The following TMEM33 variants were observed in gnomAD, a reference collection of about 807,000 sequenced individuals.
TMEM33 encodes the protein transmembrane protein 33.
A neutral mutation model predicts 29.7 loss-of-function variants in TMEM33; 16 were observed. That is an observed-to-expected ratio of 0.54 (90% CI 0.36 to 0.82). TMEM33 has a LOEUF of 0.82. TMEM33 is among the 40% of genes least tolerant of loss of function. The probability of loss-of-function intolerance (pLI) is 0.00; values close to 1 mark genes in which losing one functional copy is unlikely to be tolerated. For missense variants in TMEM33, 252 were observed against 295.3 expected, an observed-to-expected ratio of 0.85 and a Z score of 1.08; for synonymous variants, 112 against 109.4, an observed-to-expected ratio of 1.02 and a Z score of -0.15.
At position 41,949,367 on chromosome 4, in the gene TMEM33, G is replaced by A. The variant is rs141171052; in HGVS notation, c.596G>A (p.Arg199Gln). The change falls in exon 6 of 7, where the codon CGA becomes CAA. Residue 199 changes from arginine to glutamine, a missense_variant. Coordinates refer to ENST00000504986, the MANE Select transcript of TMEM33 (RefSeq NM_018126.3). ...TTTCTTACCCTTCGATATTCGTCTC[G>A]AAGAAACCCATATTGTCGGTAAGCT... is the stretch of plus-strand genomic sequence containing the variant. ...YRFLTLRYSS[R>Q]RNPYCRTLFN... 5.2e-5 allele frequency: 83 copies of A among 1,608,880 alleles called. No homozygotes were observed. Among genetic ancestry groups the A allele is most frequent in the Non-Finnish European group, 5.8e-5 (68 of 1,178,080 alleles).
rs1043424263 is a variant in TMEM33 at position 41,960,149 on chromosome 4, A to G, written c.*5950A>G. On this transcript the variant is annotated 3_prime_UTR_variant, in exon 7 of 7. Coordinates refer to ENST00000504986, the MANE Select transcript of TMEM33 (RefSeq NM_018126.3). ...CCTTTCAAGAAAATCTAATAAACAT[A>G]ATAATCATAGCCTGCTGACACTAAG... The G allele has an allele frequency of 1.3e-5, 2 of 152,168 alleles. No individual in the cohort carries two copies. The highest frequency in any genetic ancestry group is 2.4e-5 in the African/African-American group (1 of 41,442). 9.4% of individuals were successfully genotyped at this position (152,168 alleles called of 1,614,324 possible). A position where few individuals can be genotyped will look rare whatever the true frequency, so the allele number is the denominator to read the frequency against.
intron 6 of TMEM33, among the ~76,000 whole-genome samples, chr4:41,950,805 G>C (rs949105423): frequency 6.6e-6 from 1 of 151,790 alleles, no homozygotes; most frequent in African/African-American, 2.4e-5. Context: ...GTTTTTCTGT[G>C]CTTCTTTGTG....
At chr4:41,943,063 T>G (rs995386326) in intron 3 of TMEM33, among the ~76,000 whole-genome samples, 11 of 152,230 alleles carry the variant, frequency 7.2e-5, no homozygotes, top group African/African-American at 2.7e-4. Flanking sequence ...ACTACTGTGT[T>G]TGAAGGCTAA....
At chr4:41,947,507 T>G (rs1306691811) in intron 5 of TMEM33, among the ~76,000 whole-genome samples, 1 of 152,210 alleles carries the variant, frequency 6.6e-6, no homozygotes, top group Non-Finnish European at 1.5e-5. Flanking sequence ...AATGTTTAAT[T>G]TAAACATTTA....
Position 41,937,824 on chromosome 4 carries a change from G to A in TMEM33, c.46-778G>A, listed in dbSNP as rs1712316630. ...TGGTAATAGACATAAGTATTGGGGG[G>A]AAAGCAGCAAAGGAAAGATAGAATG... is the stretch of plus-strand genomic sequence containing the variant. On this transcript the variant is annotated intron_variant, in intron 1 of 6. Coordinates refer to ENST00000504986, the MANE Select transcript of TMEM33 (RefSeq NM_018126.3). Among the ~76,000 whole-genome samples the A allele has an allele frequency of 1.3e-5, 2 of 152,060 alleles. 1 individual carries two copies. Among genetic ancestry groups the A allele is most frequent in the South Asian group, 4.2e-4 (2 of 4,816 alleles).
In TMEM33 at chr4:41,949,366, C is replaced by A; in HGVS notation, c.595C>A (p.Arg199=). Residue 199 remains arginine, a synonymous_variant, in exon 6 of 7, where the codon CGA becomes AGA. Coordinates refer to ENST00000504986, the MANE Select transcript of TMEM33 (RefSeq NM_018126.3). ...ATTTCTTACCCTTCGATATTCGTCT[C>A]GAAGAAACCCATATTGTCGGTAAGC... ...YRFLTLRYSS[R]RNPYCRTLFN... 1 of 1,609,694 alleles carries A rather than the reference C, an allele frequency of 6.2e-7. No homozygotes were observed. Among genetic ancestry groups the A allele is most frequent in the Non-Finnish European group, 8.5e-7 (1 of 1,178,414 alleles).
Position 41,944,862 on chromosome 4 carries a change from A to G in TMEM33, c.466A>G (p.Ile156Val), listed in dbSNP as rs531398650. 10 of 1,613,586 alleles carry G rather than the reference A, an allele frequency of 6.2e-6. No individual in the cohort carries two copies. The South Asian group carries it at 8.8e-5, about 14-fold the overall frequency. ...CAAATTAAGTGCTAATCAACAAAAT[A>G]TTCTGAAATTCATTGCTTGCAATGA... is the stretch of plus-strand genomic sequence containing the variant. ...LDKLSANQQNILKFIACNEIF... is the reference protein window; with the variant it reads ...LDKLSANQQNVLKFIACNEIF... The change falls in exon 5 of 7, where the codon ATT (isoleucine) becomes GTT (valine). Residue 156 changes from isoleucine to valine, a missense_variant. Physicochemically the swap from Ile to Val is conservative, Grantham distance 29. Transcript: ENST00000504986.
chr4:41,940,024 A>G (rs898864931), intron 3 of TMEM33, among the ~76,000 whole-genome samples: 2 of 144,846 alleles, frequency 1.4e-5, no homozygotes, highest in Admixed American at 1.4e-4. Context: ...GAGGTTCTAT[A>G]GTGAACACTA....
In TMEM33 at chr4:41,949,367, G is replaced by T. The variant is rs141171052; in HGVS notation, c.596G>T (p.Arg199Leu). 1 of 1,608,880 alleles carries T rather than the reference G, an allele frequency of 6.2e-7. No homozygotes were observed. The highest frequency in any genetic ancestry group is 8.5e-7 in the Non-Finnish European group (1 of 1,178,080). ...TTTCTTACCCTTCGATATTCGTCTC[G>T]AAGAAACCCATATTGTCGGTAAGCT... is the stretch of plus-strand genomic sequence containing the variant. ...YRFLTLRYSSRRNPYCRTLFN... is the reference protein window; with the variant it reads ...YRFLTLRYSSLRNPYCRTLFN... Residue 199 changes from arginine to leucine, a missense_variant, in exon 6 of 7, where the codon CGA (arginine) becomes CTA (leucine). By Grantham distance (102) the Arg-to-Leu change is moderately radical. Transcript: ENST00000504986.
At chr4:41,935,396 A>AC, upstream of TMEM33, 1 of 1,389,974 alleles carries the variant, frequency 7.2e-7, no homozygotes, top group Non-Finnish European at 1.0e-6. Context: ...GGAAGCCGGT[A>AC]CCCGGGTCCT....
chr4:41,946,851 T>C (rs1480773541), intron 5 of TMEM33, among the ~76,000 whole-genome samples: 3 of 152,214 alleles, frequency 2.0e-5, no homozygotes, highest in African/African-American at 7.2e-5. Context: ...TTGTTATTCA[T>C]TTTTCTCGGG....
intron 3 of TMEM33, chr4:41,939,678 T>G (rs1712425191): frequency 2.0e-6 from 1 of 492,264 alleles, no homozygotes; most frequent in African/African-American, 1.9e-5. Context: ...GAACTTACTT[T>G]AATATTTACA....
intron 3 of TMEM33, chr4:41,939,689 T>G: frequency 2.1e-6 from 1 of 475,754 alleles, no homozygotes; most frequent in Non-Finnish European, 4.2e-6. Flanking sequence ...AATATTTACA[T>G]TTTTTTCATT....
intron 4 of TMEM33, chr4:41,944,339 T>C (rs1180108220): frequency 5.8e-6 from 1 of 171,592 alleles, no homozygotes; most frequent in African/African-American, 2.4e-5. Context: ...TTACAGAAAT[T>C]TGAATTAAAA....
chr4:41,939,682 A>T (rs1712425526), intron 3 of TMEM33: 2 of 486,808 alleles, frequency 4.1e-6, no homozygotes, highest in Non-Finnish European at 8.1e-6. Context: ...TTACTTTAAT[A>T]TTTACATTTT....
At chr4:41,936,983 T>C (rs1037057938) in intron 1 of TMEM33, among the ~76,000 whole-genome samples, 1 of 152,130 alleles carries the variant, frequency 6.6e-6, no homozygotes, top group Non-Finnish European at 1.5e-5. Flanking sequence ...AATTAAAAAG[T>C]GTTCTTTGGC....
rs374817264 is a variant in TMEM33, at chr4:41,949,449, G to A, written c.614+64G>A. On this transcript the variant is annotated intron_variant, in intron 6 of 6. Transcript: ENST00000504986. ...AGAGTATTGTGAATATATAGTATTCGCAATTCTTAAGAGTTACTTAGCTAA... is the reference window on the plus strand; with the variant it reads ...AGAGTATTGTGAATATATAGTATTCACAATTCTTAAGAGTTACTTAGCTAA... 567 of 1,294,524 alleles carry A rather than the reference G, an allele frequency of 4.4e-4. 3 individuals are homozygous for A. The African/African-American group carries it at 6.9e-3, about 16-fold the overall frequency. 80.2% of individuals were successfully genotyped at this position (1,294,524 alleles called of 1,614,324 possible). A position where few individuals can be genotyped will look rare whatever the true frequency, so the allele number is the denominator to read the frequency against.
rs1713215297 is a variant in TMEM33 at position 41,955,272 on chromosome 4, G to A, written c.*1073G>A. ...TGGGGTAGGGGGAGGAGTTGTGGGGGAATAATGTGCATTTCAGTCTCAACG... is the reference window on the plus strand; with the variant it reads ...TGGGGTAGGGGGAGGAGTTGTGGGGAAATAATGTGCATTTCAGTCTCAACG... On this transcript the variant is annotated 3_prime_UTR_variant, in exon 7 of 7. Transcript: ENST00000504986. The A allele has an allele frequency of 6.6e-6, 1 of 152,218 alleles. No individual in the cohort carries two copies. Among genetic ancestry groups the A allele is most frequent in the Non-Finnish European group, 1.5e-5 (1 of 67,962 alleles). The allele number at this position is 152,218 out of a possible 1,614,324, so 9.4% of individuals were successfully genotyped here. A position where few individuals can be genotyped will look rare whatever the true frequency, so the allele number is the denominator to read the frequency against.
chr4:41,952,130 A>T (rs768958254), intron 6 of TMEM33, among the ~76,000 whole-genome samples: 2 of 152,156 alleles, frequency 1.3e-5, no homozygotes, highest in East Asian at 3.8e-4. Flanking sequence ...AGGAGATAGG[A>T]TATTAGGGCT....
Sources: allele counts gnomAD v4.1 joint callset (sites outside exome capture counted in the v4.1 genomes callset), GRCh38; gene constraint gnomAD v4.1.1; transcripts MANE v1.5; gene names NCBI Gene and HGNC (gene_info 2026-07-23, HGNC 2026-07-21).